The following ZNF184 variants were observed in gnomAD, a reference collection of about 807,000 sequenced individuals.
ZNF184 encodes zinc finger protein 184 (Kruppel-like).
In ZNF184, 16 loss-of-function variants were observed where a neutral mutation model predicts 54.4. That is an observed-to-expected ratio of 0.29 (90% CI 0.20 to 0.45). The LOEUF (loss-of-function observed/expected upper bound fraction) is 0.45, where lower values mean the gene tolerates loss of function less well. ZNF184 is among the 20% of genes least tolerant of loss of function. The pLI is 1.00. For synonymous variants in ZNF184, 254 were observed against 295.3 expected (o/e 0.86, Z 1.43); for missense variants, 681 against 888.2 (o/e 0.77, Z 2.97).
chr6:27,461,166 T>G (rs1449883274), intron 3 of ZNF184, among the ~76,000 whole-genome samples: 1 of 152,192 alleles, frequency 6.6e-6, no homozygotes, highest in Non-Finnish European at 1.5e-5. Context: ...GCAACCTTTA[T>G]GAATTCGGAC....
intron 5 of ZNF184, 24 bp downstream of exon 5, chr6:27,456,802 C>G: frequency 1.9e-6 from 3 of 1,595,578 alleles, no homozygotes; most frequent in Non-Finnish European, 2.6e-6. Flanking sequence ...TAATGATATT[C>G]ATCTGCTGGC....
At position 27,452,883 on chromosome 6, in the gene ZNF184, CA is replaced by C; in HGVS notation, c.675del (p.Asn225LysfsTer42). 1.9e-6 allele frequency: 3 copies of C among 1,614,154 alleles called. No individual in the cohort carries two copies. The highest frequency in any genetic ancestry group is 2.5e-6 in the Non-Finnish European group (3 of 1,180,016). ...PVKKEKSCKC[N>X]ECGKAFSYCS... ...CAATAACTAAAGGCTTTCCCACATT[CA>C]TTGCACTTACAAGATTTCTCTTTTT... On this transcript the variant is annotated frameshift_variant, in exon 6 of 6. Coordinates refer to ENST00000683788, the MANE Select transcript of ZNF184 (RefSeq NM_001318891.2). LOFTEE classifies it high-confidence loss of function. This position sits in a 1 kb window ranked among gnomAD's most constrained non-coding sequence, Gnocchi z 5.5.
rs746475781 is a variant in ZNF184 at position 27,451,333 on chromosome 6, G to A, written c.2226C>T (p.Asn742=). ...TGCCAGGATGCAGTCTCTGATGTTTGTTGAGAGCAGAGCGATATCTGAAGG... is the reference window on the plus strand; with the variant it reads ...TGCCAGGATGCAGTCTCTGATGTTTATTGAGAGCAGAGCGATATCTGAAGG... ...GKSFRYRSAL[N]KHQRLHPGI Residue 742 remains asparagine, a synonymous_variant, in exon 6 of 6, where the codon AAC becomes AAT. Coordinates refer to ENST00000683788, the MANE Select transcript of ZNF184 (RefSeq NM_001318891.2). 2 of 1,609,870 alleles carry A rather than the reference G, an allele frequency of 1.2e-6. No individual in the cohort carries two copies. The highest frequency in any genetic ancestry group is 1.3e-5 in the African/African-American group (1 of 74,694).
At chr6:27,463,467 C>G (rs992230268) in intron 3 of ZNF184, among the ~76,000 whole-genome samples, 3 of 151,568 alleles carry the variant, frequency 2.0e-5, no homozygotes, top group South Asian at 2.1e-4. Context: ...AAAAAAAGAG[C>G]CTTGGGGAGC....
At chr6:27,435,710 C>T in the ZNF184 span, among the ~76,000 whole-genome samples, 1 of 152,172 alleles carries the variant, frequency 6.6e-6, no homozygotes, top group Non-Finnish European at 1.5e-5. Context: ...TGCATGACCT[C>T]GGAACTCTTA....
At chr6:27,436,606 C>T in the ZNF184 span, among the ~76,000 whole-genome samples, 8 of 152,222 alleles carry the variant, frequency 5.3e-5, no homozygotes, top group Non-Finnish European at 8.8e-5. Flanking sequence ...ACCATTCATA[C>T]ATTCCAGGAA....
chr6:27,427,997 TC>T, the ZNF184 span, among the ~76,000 whole-genome samples: 1 of 152,258 alleles, frequency 6.6e-6, no homozygotes, highest in Non-Finnish European at 1.5e-5. Flanking sequence ...TAGTTGGTCA[TC>T]AAGTCCCATA....
chr6:27,418,278 G>A, the ZNF184 span, among the ~76,000 whole-genome samples: 112,109 of 152,046 alleles, frequency 0.74, 41,507 homozygotes, highest in Middle Eastern at 0.83. Flanking sequence ...ATAACACAGT[G>A]CACGTTGCTA....
intron 3 of ZNF184, among the ~76,000 whole-genome samples, chr6:27,462,781 C>A (rs1347312943): frequency 2.7e-5 from 4 of 150,708 alleles, no homozygotes; most frequent in Non-Finnish European, 5.9e-5. Flanking sequence ...AGGAGAACCG[C>A]TTGAACCCAG....
chr6:27,427,569 T>A, the ZNF184 span, among the ~76,000 whole-genome samples: 1 of 152,206 alleles, frequency 6.6e-6, no homozygotes, highest in Non-Finnish European at 1.5e-5. Context: ...CTCTCTCTAA[T>A]CTCTTTCTGC....
chr6:27,440,127 T>G, the ZNF184 span, among the ~76,000 whole-genome samples: 1 of 152,236 alleles, frequency 6.6e-6, no homozygotes, highest in African/African-American at 2.4e-5. Flanking sequence ...ACTTTCCAGT[T>G]AAAGAAACAC....
the ZNF184 span, among the ~76,000 whole-genome samples, chr6:27,434,320 A>C: frequency 6.6e-6 from 1 of 152,212 alleles, no homozygotes; most frequent in East Asian, 1.9e-4. Context: ...ATTTGTCTGC[A>C]TACTAGCTAA....
the ZNF184 span, chr6:27,406,475 G>A: frequency 1.3e-5 from 2 of 152,242 alleles, no homozygotes; most frequent in Non-Finnish European, 2.9e-5. Flanking sequence ...GGATTGCCAA[G>A]TCCATATATG....
intron 2 of ZNF184, among the ~76,000 whole-genome samples, chr6:27,468,568 A>G (rs866868314): frequency 6.6e-6 from 1 of 152,240 alleles, no homozygotes; most frequent in Non-Finnish European, 1.5e-5. Context: ...GACTTCTACA[A>G]GGATCTTCAC....
At chr6:27,436,140 C>G in the ZNF184 span, among the ~76,000 whole-genome samples, 1 of 151,912 alleles carries the variant, frequency 6.6e-6, no homozygotes, top group Non-Finnish European at 1.5e-5. Context: ...GAGTTTTCAT[C>G]GATTCCTAGT....
the ZNF184 span, among the ~76,000 whole-genome samples, chr6:27,423,322 C>T: frequency 6.6e-6 from 1 of 152,210 alleles, no homozygotes; most frequent in African/African-American, 2.4e-5. Context: ...GATTGTCCAA[C>T]AGGAATAGCT....
At chr6:27,466,679 A>T (rs1373776232) in intron 3 of ZNF184, among the ~76,000 whole-genome samples, 3 of 18,504 alleles carry the variant, frequency 1.6e-4, no homozygotes, top group African/African-American at 3.6e-4. Context: ...CCCCCAATTA[A>T]AAAAAAAAAT....
At chr6:27,450,662 C>T (rs1174350913), downstream of ZNF184, 3 of 151,552 alleles carry the variant, frequency 2.0e-5, no homozygotes, top group African/African-American at 7.3e-5. Flanking sequence ...AATATGCAAC[C>T]AGGGTAAAAT....
chr6:27,455,535 GTTC>G (rs1327987797), intron 5 of ZNF184, among the ~76,000 whole-genome samples: 3 of 151,538 alleles, frequency 2.0e-5, no homozygotes, highest in East Asian at 1.9e-4. Flanking sequence ...AGTTATTAAA[GTTC>G]TTCTTCTTTT....
Sources: gnomAD v4.1 joint callset for allele counts (sites outside exome capture counted in the v4.1 genomes callset) on GRCh38, gnomAD v4.1.1 for gene constraint, Gnocchi (gnomAD v3.1) non-coding constraint, MANE v1.5 for transcripts, NCBI Gene and HGNC (gene_info 2026-07-23, HGNC 2026-07-21) for gene names.